Variants in PHRF1 observed in about 807,000 individuals in gnomAD.
The protein encoded by PHRF1 is PHD and ring finger domains 1, also known as PHD and RING finger domain-containing protein 1.
A neutral mutation model predicts 128.9 loss-of-function variants in PHRF1; 53 were observed. That is an observed-to-expected ratio of 0.41 (90% confidence interval 0.33 to 0.52). PHRF1 has a LOEUF of 0.52. Ranked by LOEUF, PHRF1 falls within the 20% of genes least tolerant of loss-of-function variation. The pLI is 0.21. For missense variants in PHRF1, 2,503 were observed against 2,284.5 expected, an observed-to-expected ratio of 1.10 and a Z score of -1.95; for synonymous variants, 1,178 against 980.6, an observed-to-expected ratio of 1.20 and a Z score of -3.76.
chr11:585,028 G>A (rs1854446572), intron 3 of PHRF1, among the ~76,000 whole-genome samples: 1 of 152,164 alleles, frequency 6.6e-6, no homozygotes, highest in Non-Finnish European at 1.5e-5. Flanking sequence ...ATGAGCCACC[G>A]CGCCTGGCCA....
chr11:596,868 G>C, intron 6 of PHRF1, 55 bp from the exon 7 acceptor site: 1 of 1,527,718 alleles, frequency 6.5e-7, no homozygotes, highest in Non-Finnish European at 9.1e-7. Context: ...ACTTGAGGAG[G>C]TTTGGGAAAG....
At chr11:611,533 T>C in intron 17 of PHRF1, 101 bp from the exon 18 acceptor site, 1 of 1,526,490 alleles carries the variant, frequency 6.6e-7, no homozygotes, top group Non-Finnish European at 8.9e-7. Context: ...TAGGGCCTGC[T>C]CCTGAGCAGG....
intron 6 of PHRF1, among the ~76,000 whole-genome samples, chr11:594,283 C>T (rs1314962821): frequency 1.3e-5 from 2 of 152,030 alleles, no homozygotes; most frequent in Non-Finnish European, 2.9e-5. Context: ...TAGACCTGGT[C>T]CTGGTCGCCA....
chr11:590,634 T>G lies in PHRF1; in HGVS notation c.421-750T>G, dbSNP rs1359919888. ...ATAAAGCCAACATAAAGATCTTATG[T>G]GGGTCAGAACACTATTAATAAAGGC... On this transcript the variant is annotated intron_variant, in intron 4 of 17. Coordinates refer to ENST00000264555, the MANE Select transcript of PHRF1 (RefSeq NM_001286581.2). Among the ~76,000 whole-genome samples, 3 of 152,202 alleles carry G rather than the reference T, an allele frequency of 2.0e-5. No individual in the cohort carries two copies. The East Asian group carries it at 5.8e-4, about 29-fold the overall frequency.
chr11:584,048 C>T (rs1249347384), intron 3 of PHRF1, among the ~76,000 whole-genome samples: 2 of 152,226 alleles, frequency 1.3e-5, no homozygotes, highest in Non-Finnish European at 2.9e-5. Flanking sequence ...AGAAAGGTAA[C>T]ACTCCTGTTT....
chr11:595,485 G>C (rs747415156), intron 6 of PHRF1, among the ~76,000 whole-genome samples: 9 of 152,218 alleles, frequency 5.9e-5, no homozygotes, highest in Non-Finnish European at 1.2e-4. Flanking sequence ...GGGCAGGTCA[G>C]ATCTGAGCAC....
rs1482951491 is a variant in PHRF1 at position 597,989 on chromosome 11, G to A, written c.895-384G>A. Among the ~76,000 whole-genome samples the A allele has an allele frequency of 2.0e-5, 3 of 152,216 alleles. No homozygotes were observed. Among genetic ancestry groups the A allele is most frequent in the Non-Finnish European group, 4.4e-5 (3 of 68,036 alleles). On this transcript the variant is annotated intron_variant, in intron 8 of 17. Transcript: ENST00000264555. The surrounding 1 kb of genome is among the most constrained non-coding windows in gnomAD (Gnocchi z 6.5). ...TCCCTGGGCATTGGACAAGCAGGAG[G>A]GTCTGGGCTGTGGGCATGTGGTGTG... is the stretch of plus-strand genomic sequence containing the variant.
intron 6 of PHRF1, among the ~76,000 whole-genome samples, 179 bp from the exon 7 acceptor site, chr11:596,744 G>C (rs1214670050): frequency 1.3e-5 from 2 of 152,192 alleles, no homozygotes; most frequent in African/African-American, 4.8e-5. Context: ...ATGTCTATCT[G>C]CTGTCACATT....
chr11:597,119 C>T lies in PHRF1; in HGVS notation c.718+99C>T. Reference sequence around the variant, plus strand: ...TTTGGCTGCTGTGTGGGGAGGACATCTAGGGCTGTCTCATGGGGGTTAGGG... The same window carrying T: ...TTTGGCTGCTGTGTGGGGAGGACATTTAGGGCTGTCTCATGGGGGTTAGGG... On this transcript the variant is annotated intron_variant, in intron 7 of 17. Coordinates refer to ENST00000264555, the MANE Select transcript of PHRF1 (RefSeq NM_001286581.2). This position sits in a 1 kb window ranked among gnomAD's most constrained non-coding sequence, Gnocchi z 6.5. 7.9e-7 allele frequency: 1 copy of T among 1,262,370 alleles called. No homozygotes were observed. The highest frequency in any genetic ancestry group is 1.1e-6 in the Non-Finnish European group (1 of 896,978). The allele number at this position is 1,262,370 out of a possible 1,614,324, so 78.2% of individuals were successfully genotyped here. A position where few individuals can be genotyped will look rare whatever the true frequency, so the allele number is the denominator to read the frequency against.
chr11:594,954 A>G (rs1276080334), intron 6 of PHRF1, among the ~76,000 whole-genome samples: 1 of 152,264 alleles, frequency 6.6e-6, no homozygotes, highest in African/African-American at 2.4e-5. Context: ...TGATCAATAT[A>G]ACGATTCTCA....
At position 597,207 on chromosome 11, in the gene PHRF1, T is replaced by G. The variant is rs1434775753; in HGVS notation, c.718+187T>G. On this transcript the variant is annotated intron_variant, in intron 7 of 17. Transcript: ENST00000264555. This position sits in a 1 kb window ranked among gnomAD's most constrained non-coding sequence, Gnocchi z 6.5. ...GGGCTCGTCTTCTCGGGGATGTGTG[T>G]GGGGTCCATTGGCTGGGGGGTTCCG... Among the ~76,000 whole-genome samples, 1 of 151,756 alleles carries G rather than the reference T, an allele frequency of 6.6e-6. No individual in the cohort carries two copies. Among genetic ancestry groups the G allele is most frequent in the Admixed American group, 6.6e-5 (1 of 15,246 alleles).
rs199646190 is a variant in PHRF1 at position 599,148 on chromosome 11, C to G, written c.1024+646C>G. ...CTTTCCCTCGTGGGGATTTAAGTCACTGTAGACGCATGGACTCCTGCTTTA... is the reference window on the plus strand; with the variant it reads ...CTTTCCCTCGTGGGGATTTAAGTCAGTGTAGACGCATGGACTCCTGCTTTA... On this transcript the variant is annotated intron_variant, in intron 9 of 17. Coordinates refer to ENST00000264555, the MANE Select transcript of PHRF1 (RefSeq NM_001286581.2). Among the ~76,000 whole-genome samples, 5 of 152,188 alleles carry G rather than the reference C, an allele frequency of 3.3e-5. No individual in the cohort carries two copies. The East Asian group carries it at 9.6e-4, about 29-fold the overall frequency.
chr11:581,982 A>G lies in PHRF1; in HGVS notation c.115A>G (p.Ser39Gly). ...TCTAGAAGAAAGCAGCGTGGGCAGC[A>G]GTGGGGACTCTGGGGACGACAGTGA... ...GDFEESSVGS[S>G]GDSGDDSDSE... The change falls in exon 3 of 18, where the codon AGT (serine) becomes GGT (glycine). Residue 39 changes from serine (S) to glycine (G), a missense_variant. Physicochemically the swap from Ser to Gly is moderately conservative, Grantham distance 56. Coordinates refer to ENST00000264555, the MANE Select transcript of PHRF1 (RefSeq NM_001286581.2). The G allele has an allele frequency of 6.2e-7, 1 of 1,605,374 alleles. No homozygotes were observed. Among genetic ancestry groups the G allele is most frequent in the African/African-American group, 1.3e-5 (1 of 74,946 alleles).
intron 8 of PHRF1, among the ~76,000 whole-genome samples, chr11:598,033 C>T (rs12419694): frequency 0.24 from 36,203 of 152,086 alleles, 4,647 homozygotes; most frequent in African/African-American, 0.32. Flanking sequence ...GCAAGCCTAA[C>T]GCTGAATTTG....
At chr11:586,086 C>T (rs1854539905) in intron 3 of PHRF1, among the ~76,000 whole-genome samples, 1 of 152,092 alleles carries the variant, frequency 6.6e-6, no homozygotes, top group Admixed American at 6.6e-5. Context: ...GTCTCAAACC[C>T]CTGACCTCAG....
At chr11:588,358 G>C (rs928275941) in intron 4 of PHRF1, among the ~76,000 whole-genome samples, 8 of 152,084 alleles carry the variant, frequency 5.3e-5, no homozygotes, top group Non-Finnish European at 1.0e-4. Context: ...GCACACAGTA[G>C]ATTCAGACTT....
chr11:577,670 C>G (rs11246198), intron 1 of PHRF1, among the ~76,000 whole-genome samples: 9,513 of 152,300 alleles, frequency 0.062, 407 homozygotes, highest in African/African-American at 0.12. Flanking sequence ...GTTCTCCTAG[C>G]TGATACAGCA....
chr11:577,069 C>T lies in PHRF1; in HGVS notation c.-22+477C>T, dbSNP rs536143519. Among the ~76,000 whole-genome samples, 3 of 152,332 alleles carry T rather than the reference C, an allele frequency of 2.0e-5. No individual in the cohort carries two copies. The South Asian group carries it at 6.2e-4, about 32-fold the overall frequency. On this transcript the variant is annotated intron_variant, in intron 1 of 17. Transcript: ENST00000264555. Reference sequence around the variant, plus strand: ...AGCTGTGACTTCGTTGCCTTGTGTCCGGCCCCTGTGCATGGTTGCCGTCGT... The same window carrying T: ...AGCTGTGACTTCGTTGCCTTGTGTCTGGCCCCTGTGCATGGTTGCCGTCGT...
chr11:580,728 G>T (rs1343186839), intron 1 of PHRF1, among the ~76,000 whole-genome samples: 2 of 152,164 alleles, frequency 1.3e-5, no homozygotes, highest in African/African-American at 4.8e-5. Context: ...TGCTCTTATT[G>T]CGCAGGCTGG....
Sources: allele counts gnomAD v4.1 joint callset (sites outside exome capture counted in the v4.1 genomes callset), GRCh38; gene constraint gnomAD v4.1.1; non-coding constraint Gnocchi (gnomAD v3.1); transcripts MANE v1.5; gene names NCBI Gene and HGNC (gene_info 2026-07-23, HGNC 2026-07-21).